ZBTB25: variants seen among roughly 807,000 people sequenced by gnomAD.
The protein encoded by ZBTB25 is zinc finger and BTB domain-containing protein 25.
A neutral mutation model predicts 34.2 loss-of-function variants in ZBTB25; 20 were observed. The observed-to-expected ratio is 0.58, with a 90% CI of 0.41 to 0.85. The LOEUF is 0.85. ZBTB25 is among the 40% of genes least tolerant of loss of function. The pLI, the probability that ZBTB25 is intolerant of heterozygous loss-of-function variation, is 0.00. For synonymous variants in ZBTB25, 175 were observed against 186.4 expected (o/e 0.94, Z 0.50); for missense variants, 437 against 521.8 (o/e 0.84, Z 1.58).
rs2078878888 is a variant in ZBTB25 at position 64,486,882 on chromosome 14, TC to T, written c.*40del. ...TGAATTAAAAATGCCACGCAAATTT[TC>T]TTTTTCAGAATTGGTATAAAAATTC... On this transcript the variant is annotated 3_prime_UTR_variant, in exon 3 of 3. Transcript: ENST00000608382. The T allele has an allele frequency of 6.6e-7, 1 of 1,523,698 alleles. No individual in the cohort carries two copies. Among genetic ancestry groups the T allele is most frequent in the South Asian group, 1.3e-5 (1 of 76,348 alleles). The allele number at this position is 1,523,698 out of a possible 1,614,324, so 94.4% of individuals were successfully genotyped here. A position where few individuals can be genotyped will look rare whatever the true frequency, so the allele number is the denominator to read the frequency against.
In ZBTB25 at chr14:64,487,697, A is replaced by G. The variant is rs2078923567; in HGVS notation, c.534T>C (p.Asp178=). ...LQLSLAIGLD[D]GTADQQRACP... is the part of the protein sequence containing the mutation. ...AGGCCCTCTGCTGGTCTGCAGTGCC[A>G]TCATCCAGACCAATAGCAAGAGACA... The change falls in exon 3 of 3, where the codon GAT becomes GAC. Residue 178 remains aspartate (D), a synonymous_variant. Transcript: ENST00000608382. 1 of 1,612,146 alleles carries G rather than the reference A, an allele frequency of 6.2e-7. No individual in the cohort carries two copies. The highest frequency in any genetic ancestry group is 8.5e-7 in the Non-Finnish European group (1 of 1,179,238).
At chr14:64,453,715 G>T in intron 2 of ZBTB25, 1 of 1,218,556 alleles carries the variant, frequency 8.2e-7, no homozygotes, top group Admixed American at 1.7e-5. Flanking sequence ...CCTCACATGT[G>T]TCCAGTCATG....
chr14:64,476,357 G>A (rs1285660141), downstream of ZBTB25, among the ~76,000 whole-genome samples: 3 of 152,216 alleles, frequency 2.0e-5, no homozygotes, highest in South Asian at 2.1e-4. Flanking sequence ...ACGAAGTCTC[G>A]TTCTGTTGCC....
In ZBTB25 at chr14:64,485,544, G is replaced by T; in HGVS notation, c.*1379C>A. 1.0e-6 allele frequency: 1 copy of T among 985,262 alleles called. No homozygotes were observed. The highest frequency in any genetic ancestry group is 1.2e-6 in the Non-Finnish European group (1 of 829,876). The allele number at this position is 985,262 out of a possible 1,614,324, so 61.0% of individuals were successfully genotyped here. A position where few individuals can be genotyped will look rare whatever the true frequency, so the allele number is the denominator to read the frequency against. ...TTAATTTTCCTGGGGTTTTAGCTTT[G>T]TAAGTGTCACCATTATAAAAGAGAG... is the stretch of plus-strand genomic sequence containing the variant. On this transcript the variant is annotated 3_prime_UTR_variant, in exon 3 of 3. Transcript: ENST00000608382.
Position 64,480,215 on chromosome 14 carries a change from CG to C in ZBTB25, c.*6707del. Reference sequence around the variant, plus strand: ...GTGGGAACCTGTAATCTCAGCTACTCGGGAGGCTGAGGCAGGAGAATAGCTT... The same window carrying C: ...GTGGGAACCTGTAATCTCAGCTACTCGGAGGCTGAGGCAGGAGAATAGCTT... On this transcript the variant is annotated 3_prime_UTR_variant, in exon 3 of 3. Transcript: ENST00000608382. 4.0e-6 allele frequency: 1 copy of C among 249,558 alleles called. No homozygotes were observed. Among genetic ancestry groups the C allele is most frequent in the South Asian group, 3.4e-5 (1 of 29,288 alleles). 15.5% of individuals were successfully genotyped at this position (249,558 alleles called of 1,614,324 possible).
intron 1 of ZBTB25, 74 bp from the exon 2 acceptor site, chr14:64,490,614 G>T: frequency 7.4e-7 from 1 of 1,358,276 alleles, no homozygotes; most frequent in Middle Eastern, 1.9e-4. Context: ...ATACAAAATT[G>T]TCTACAGTTC....
At chr14:64,472,675 T>A (rs1596593648) in intron 2 of ZBTB25, 1 of 166,998 alleles carries the variant, frequency 6.0e-6, no homozygotes, top group African/African-American at 2.4e-5. Flanking sequence ...TCTGATTATA[T>A]GTGCTACATG....
intron 2 of ZBTB25, among the ~76,000 whole-genome samples, chr14:64,451,704 G>A (rs772196767): frequency 3.3e-5 from 5 of 152,202 alleles, no homozygotes; most frequent in Non-Finnish European, 5.9e-5. Context: ...ATTTCTACTT[G>A]CAACTTTTAT....
rs200629267 is a variant in ZBTB25, at chr14:64,454,893, G to A, written c.174-5255C>T. 1.4e-5 allele frequency: 22 copies of A among 1,613,588 alleles called. No homozygotes were observed. In the Admixed American group the frequency reaches 2.5e-4, roughly 18 times the overall value. ...TAGGAACGGTAAGTGCATGCTGCAA[G>A]GGAGTAGTGGGCGCATCTGCACTTC... is the stretch of plus-strand genomic sequence containing the variant. On this transcript the variant is annotated intron_variant, in intron 2 of 2. Coordinates refer to the ZBTB25 transcript ENST00000555220.
At chr14:64,458,114 C>T in intron 2 of ZBTB25, 1 of 951,814 alleles carries the variant, frequency 1.1e-6, no homozygotes, top group East Asian at 2.4e-5. Context: ...TGGTTTAGAA[C>T]TCCTGGCCTC....
At chr14:64,496,154 C>T (rs1026473809) in intron 1 of ZBTB25, among the ~76,000 whole-genome samples, 1 of 152,028 alleles carries the variant, frequency 6.6e-6, no homozygotes, top group African/African-American at 2.4e-5. Flanking sequence ...ATCAGCAGTT[C>T]TAAAAAGCTG....
rs773619429 is a variant in ZBTB25, at chr14:64,487,708, C to T, written c.523G>A (p.Gly175Ser). 1 of 1,613,116 alleles carries T rather than the reference C, an allele frequency of 6.2e-7. No homozygotes were observed. Among genetic ancestry groups the T allele is most frequent in the South Asian group, 1.1e-5 (1 of 90,942 alleles). The stretch of plus-strand genomic sequence containing the variant: ...TGGTCTGCAGTGCCATCATCCAGAC[C>T]AATAGCAAGAGACAACTGCAACTGG... ...HPQLQLSLAI[G>S]LDDGTADQQR... Residue 175 changes from glycine to serine, a missense_variant, in exon 3 of 3, where the codon GGT becomes AGT. Coordinates refer to ENST00000608382, the MANE Select transcript of ZBTB25 (RefSeq NM_006977.5).
Position 64,487,545 on chromosome 14 carries a change from G to A in ZBTB25, c.686C>T (p.Thr229Ile), listed in dbSNP as rs767062995. Residue 229 changes from threonine (T) to isoleucine (I), a missense_variant, in exon 3 of 3, where the codon ACT becomes ATT. Coordinates refer to ENST00000608382, the MANE Select transcript of ZBTB25 (RefSeq NM_006977.5). ...TATTTTGACACTGTTTTCAGTAAAA[G>A]TGGGGCCTGTCACCTCTGATGAGGG... ...PSPSSEVTGP[T>I]FTENSVKIHL... 1.9e-6 allele frequency: 3 copies of A among 1,611,144 alleles called. No homozygotes were observed. The highest frequency in any genetic ancestry group is 2.5e-6 in the Non-Finnish European group (3 of 1,177,562).
chr14:64,494,450 T>C (rs1046877336), intron 1 of ZBTB25, among the ~76,000 whole-genome samples: 1 of 152,076 alleles, frequency 6.6e-6, no homozygotes, highest in Non-Finnish European at 1.5e-5. Flanking sequence ...CTGAACAACA[T>C]GGTGAGACCC....
chr14:64,468,886 A>G, intron 2 of ZBTB25: 31 of 1,614,200 alleles, frequency 1.9e-5, no homozygotes, highest in Non-Finnish European at 2.6e-5. Context: ...TGGATATACA[A>G]ACACAGACCC....
At position 64,486,225 on chromosome 14, in the gene ZBTB25, C is replaced by T; in HGVS notation, c.*698G>A. 1 of 873,470 alleles carries T rather than the reference C, an allele frequency of 1.1e-6. No homozygotes were observed. Among genetic ancestry groups the T allele is most frequent in the Non-Finnish European group, 1.4e-6 (1 of 728,298 alleles). 54.1% of individuals were successfully genotyped at this position (873,470 alleles called of 1,614,324 possible). On this transcript the variant is annotated 3_prime_UTR_variant, in exon 3 of 3. Coordinates refer to ENST00000608382, the MANE Select transcript of ZBTB25 (RefSeq NM_006977.5). ...GCTGAGGCAGGAGAATGGCGTGAAC[C>T]CGGGAGGCGGAGCTTGCAGTCAGCC...
chr14:64,500,658 G>C (rs1411699821), intron 1 of ZBTB25, among the ~76,000 whole-genome samples: 1 of 152,068 alleles, frequency 6.6e-6, no homozygotes, highest in Non-Finnish European at 1.5e-5. Flanking sequence ...AGTTGGGCGT[G>C]GTGGCAGACG....
At position 64,481,867 on chromosome 14, in the gene ZBTB25, A is replaced by G. The variant is rs1272039527; in HGVS notation, c.*5056T>C. The G allele has an allele frequency of 1.3e-5, 2 of 152,234 alleles. No individual in the cohort carries two copies. Among genetic ancestry groups the G allele is most frequent in the African/African-American group, 4.8e-5 (2 of 41,468 alleles). 9.4% of individuals were successfully genotyped at this position (152,234 alleles called of 1,614,324 possible). ...TTAATAATTTAAGTGCCACAAATCT[A>G]TATGTAGTTCAAAATATACAAAGAC... On this transcript the variant is annotated 3_prime_UTR_variant, in exon 3 of 3. Coordinates refer to ENST00000608382, the MANE Select transcript of ZBTB25 (RefSeq NM_006977.5).
chr14:64,451,264 C>T (rs764143489), intron 2 of ZBTB25, among the ~76,000 whole-genome samples: 3 of 152,114 alleles, frequency 2.0e-5, no homozygotes, highest in Non-Finnish European at 2.9e-5. Flanking sequence ...TCAAGTGATC[C>T]TCCTGCCTCA....
Sources: allele counts gnomAD v4.1 joint callset (sites outside exome capture counted in the v4.1 genomes callset), GRCh38; gene constraint gnomAD v4.1.1; transcripts MANE v1.5; gene names NCBI Gene and HGNC (gene_info 2026-07-23, HGNC 2026-07-21).